CMTM7: variants seen among roughly 807,000 people sequenced by gnomAD.
CMTM7 encodes CKLF like MARVEL transmembrane domain containing 7.
In CMTM7, 7 loss-of-function variants were observed where a neutral mutation model predicts 19.3. The ratio of observed to expected loss-of-function variants is 0.36; its 90% CI spans 0.21 to 0.68. The LOEUF is 0.68. CMTM7 is among the 30% of genes least tolerant of loss of function. The probability of loss-of-function intolerance (pLI) is 0.60; values close to 1 mark genes in which losing one functional copy is unlikely to be tolerated. For missense variants in CMTM7, 193 were observed against 232.6 expected, an observed-to-expected ratio of 0.83 and a Z score of 1.11; for synonymous variants, 87 against 99.3, an observed-to-expected ratio of 0.88 and a Z score of 0.74.
rs1485589384 is a variant in CMTM7 at position 32,452,574 on chromosome 3, G to A, written c.514+101G>A. 2.5e-6 allele frequency: 3 copies of A among 1,202,398 alleles called. No homozygotes were observed. In the Admixed American group the frequency reaches 5.2e-5, roughly 21 times the overall value. The allele number at this position is 1,202,398 out of a possible 1,614,324, so 74.5% of individuals were successfully genotyped here. A position where few individuals can be genotyped will look rare whatever the true frequency, so the allele number is the denominator to read the frequency against. On this transcript the variant is annotated intron_variant, in intron 4 of 4. Coordinates refer to ENST00000334983, the MANE Select transcript of CMTM7 (RefSeq NM_138410.4). ...GACAAACCCTGCTGTTGAGAAGGCT[G>A]TGTTCCAAGGGGACTTTAGAAGTAG...
At chr3:32,453,738 C>T (rs1696869286) in intron 4 of CMTM7, among the ~76,000 whole-genome samples, 2 of 152,206 alleles carry the variant, frequency 1.3e-5, no homozygotes, top group South Asian at 2.1e-4. Context: ...GATGAAAAGG[C>T]TCTAAAATTG....
intron 1 of CMTM7, among the ~76,000 whole-genome samples, chr3:32,401,809 G>C (rs1490031758): frequency 1.3e-5 from 2 of 152,230 alleles, no homozygotes; most frequent in Non-Finnish European, 2.9e-5. Flanking sequence ...CGACTCCTGG[G>C]ATCGGCAGGG....
intron 2 of CMTM7, among the ~76,000 whole-genome samples, chr3:32,444,191 T>C (rs1042168612): frequency 6.6e-6 from 1 of 152,274 alleles, no homozygotes; most frequent in African/African-American, 2.4e-5. Context: ...TTTTAGTTTA[T>C]ACATTTAGGT....
intron 1 of CMTM7, among the ~76,000 whole-genome samples, chr3:32,414,201 G>A (rs1696223628): frequency 6.6e-6 from 1 of 152,148 alleles, no homozygotes; most frequent in Non-Finnish European, 1.5e-5. Flanking sequence ...CTTTCTCAGA[G>A]TCTATTTCCA....
At chr3:32,406,697 A>G (rs747621341) in intron 1 of CMTM7, among the ~76,000 whole-genome samples, 1 of 152,224 alleles carries the variant, frequency 6.6e-6, no homozygotes, top group African/African-American at 2.4e-5. Context: ...AAGCAGAACT[A>G]GTAGATATGG....
At chr3:32,448,498 A>G (rs1266524003) in intron 2 of CMTM7, among the ~76,000 whole-genome samples, 1 of 152,266 alleles carries the variant, frequency 6.6e-6, no homozygotes, top group Non-Finnish European at 1.5e-5. Context: ...CCCTGGATTC[A>G]GAGCAAGCAC....
At chr3:32,445,052 T>A (rs1696734104) in intron 2 of CMTM7, among the ~76,000 whole-genome samples, 1 of 152,250 alleles carries the variant, frequency 6.6e-6, no homozygotes, top group South Asian at 2.1e-4. Context: ...GCATATTGAT[T>A]TGTGTCCTCA....
chr3:32,434,601 CTTTTCT>C (rs757859995), intron 1 of CMTM7, among the ~76,000 whole-genome samples: 34 of 28,960 alleles, frequency 1.2e-3, no homozygotes, highest in Admixed American at 2.9e-3. Context: ...TGCCTCTTTT[CTTTTCT>C]TTTTTTTTTT....
chr3:32,393,146 TG>T (rs1181367556), intron 1 of CMTM7, among the ~76,000 whole-genome samples: 3 of 152,218 alleles, frequency 2.0e-5, no homozygotes, highest in Admixed American at 1.3e-4. Context: ...ACAGGACGTC[TG>T]TGCATCTATA....
At chr3:32,423,952 A>G (rs993962704) in intron 1 of CMTM7, among the ~76,000 whole-genome samples, 2 of 152,246 alleles carry the variant, frequency 1.3e-5, no homozygotes, top group East Asian at 1.9e-4. Flanking sequence ...GTTACTTTCA[A>G]TAGAGGCCAG....
At chr3:32,426,163 A>C (rs564092603) in intron 1 of CMTM7, among the ~76,000 whole-genome samples, 1 of 152,144 alleles carries the variant, frequency 6.6e-6, no homozygotes, top group African/African-American at 2.4e-5. Flanking sequence ...ACAAAAAAAC[A>C]AAACAAAAAC....
intron 1 of CMTM7, among the ~76,000 whole-genome samples, chr3:32,402,369 C>T (rs1283413349): frequency 1.3e-5 from 2 of 152,156 alleles, no homozygotes; most frequent in Admixed American, 6.5e-5. Flanking sequence ...GCCTTGGCCT[C>T]CCAAAGTGCT....
chr3:32,401,941 C>T (rs1696014036), intron 1 of CMTM7, among the ~76,000 whole-genome samples: 1 of 152,212 alleles, frequency 6.6e-6, no homozygotes, highest in African/African-American at 2.4e-5. Flanking sequence ...CAGAGCCCTT[C>T]TCAGCCTCCT....
chr3:32,437,935 A>G (rs560496370), intron 1 of CMTM7, among the ~76,000 whole-genome samples: 2 of 152,300 alleles, frequency 1.3e-5, no homozygotes, highest in East Asian at 1.9e-4. Context: ...TTTATGTTAG[A>G]TATTTTATTT....
chr3:32,426,742 G>A (rs561374207), intron 1 of CMTM7, among the ~76,000 whole-genome samples: 1 of 152,250 alleles, frequency 6.6e-6, no homozygotes, highest in Non-Finnish European at 1.5e-5. Context: ...GTCATGACTT[G>A]TAAATAAATC....
intron 1 of CMTM7, among the ~76,000 whole-genome samples, chr3:32,393,750 C>T (rs980163208): frequency 2.2e-5 from 3 of 134,276 alleles, no homozygotes; most frequent in Non-Finnish European, 3.1e-5. Context: ...CACTAGTCTG[C>T]GTGACGGAGG....
chr3:32,444,500 C>A (rs1478409615), intron 2 of CMTM7, among the ~76,000 whole-genome samples: 1 of 152,154 alleles, frequency 6.6e-6, no homozygotes, highest in Non-Finnish European at 1.5e-5. Flanking sequence ...ATGCAGCCTC[C>A]CAATTATTCT....
intron 1 of CMTM7, among the ~76,000 whole-genome samples, chr3:32,414,460 T>C (rs1294981473): frequency 6.6e-6 from 1 of 152,174 alleles, no homozygotes; most frequent in Non-Finnish European, 1.5e-5. Context: ...ATAATAAATA[T>C]TCAAATTGCA....
At chr3:32,447,926 A>G (rs1463880225) in intron 2 of CMTM7, among the ~76,000 whole-genome samples, 3 of 152,066 alleles carry the variant, frequency 2.0e-5, no homozygotes, top group African/African-American at 7.2e-5. Flanking sequence ...ACTATTACCC[A>G]CTGTTATTTT....
Sources: gnomAD v4.1 joint callset for allele counts (sites outside exome capture counted in the v4.1 genomes callset) on GRCh38, gnomAD v4.1.1 for gene constraint, MANE v1.5 for transcripts, NCBI Gene and HGNC (gene_info 2026-07-23, HGNC 2026-07-21) for gene names.